Variants in CASK observed in about 807,000 individuals in gnomAD.
CASK encodes the protein calcium/calmodulin dependent serine protein kinase.
Under a neutral mutation model 82.9 loss-of-function variants are expected in CASK, and 4 were observed. The ratio of observed to expected loss-of-function variants is 0.05; its 90% CI spans 0.02 to 0.11. The LOEUF is 0.11. Ranked by LOEUF, CASK falls within the 10% of genes least tolerant of loss-of-function variation. CASK has a pLI of 1.00. For synonymous variants in CASK, 259 were observed against 253.5 expected, an observed-to-expected ratio of 1.02 and a Z score of -0.20; for missense variants, 358 against 720.9, an observed-to-expected ratio of 0.50 and a Z score of 5.76.
At chrX:41,640,350 C>A (rs763619623) in intron 8 of CASK, among the ~76,000 whole-genome samples, 1 of 110,250 alleles carries the variant, frequency 9.1e-6, no homozygotes, top group Admixed American at 9.7e-5. Context: ...ACTACAGGCG[C>A]CTGCCACCAC....
At chrX:41,654,270 A>C (rs770556610) in intron 8 of CASK, among the ~76,000 whole-genome samples, 2 of 111,924 alleles carry the variant, frequency 1.8e-5, no homozygotes, top group South Asian at 7.5e-4. Context: ...TTAATAAATA[A>C]GGTGAATGAA....
At chrX:41,758,435 CAAAAAA>C (rs746659684) in intron 3 of CASK, among the ~76,000 whole-genome samples, 1 of 43,510 alleles carries the variant, frequency 2.3e-5, no homozygotes, top group African/African-American at 9.9e-5. Context: ...GACTTCATCT[CAAAAAA>C]AAAAAAAAAA....
chrX:41,537,929 C>T (rs926796727), intron 22 of CASK, among the ~76,000 whole-genome samples: 8 of 108,572 alleles, frequency 7.4e-5, no homozygotes, highest in South Asian at 4.0e-4. Flanking sequence ...GCAGCCTCCG[C>T]GGACCTCCCG....
Position 41,531,115 on chromosome X carries a change from C to T in CASK, c.2412G>A (p.Glu804=). Residue 804 remains glutamate (E), a synonymous_variant, in exon 25 of 27, where the codon GAG becomes GAA. Coordinates refer to ENST00000378163, the MANE Select transcript of CASK (RefSeq NM_001367721.1). The part of the protein sequence containing the change: ...DQMMQDISNN[E]YLEYGSHEDA... ...CCTCGTGGCTGCCGTACTCCAAGTA[C>T]TCGTTATTAGAGATGTCTTGCATCA... 2 of 1,207,625 alleles carry T rather than the reference C, an allele frequency of 1.7e-6. No homozygotes were observed. Among genetic ancestry groups the T allele is most frequent in the Non-Finnish European group, 2.2e-6 (2 of 891,627 alleles).
intron 5 of CASK, chrX:41,727,545 C>T: frequency 8.3e-7 from 1 of 1,207,280 alleles, no homozygotes. Context: ...TTACCGTATA[C>T]TACTCAGTCA....
intron 5 of CASK, among the ~76,000 whole-genome samples, chrX:41,710,062 G>GT (rs1306247497): frequency 2.0e-5 from 2 of 97,879 alleles, no homozygotes; most frequent in Non-Finnish European, 4.1e-5. Flanking sequence ...CCAAGTCACT[G>GT]TTTCCCAGGG....
chrX:41,745,296 G>T (rs761885864), intron 4 of CASK, among the ~76,000 whole-genome samples: 1 of 111,781 alleles, frequency 8.9e-6, no homozygotes, highest in Non-Finnish European at 1.9e-5. Flanking sequence ...GATTACAGGC[G>T]TGAGCCACCG....
rs181326622 is a variant in CASK, at chrX:41,778,081, C to T, written c.278+9097G>A. The stretch of plus-strand genomic sequence containing the variant: ...TATTTAATGGTATAGCAAAATGCTT[C>T]CAATAGAAGGAAATGGTCCAAAATG... On this transcript the variant is annotated intron_variant, in intron 3 of 26. Coordinates refer to ENST00000378163, the MANE Select transcript of CASK (RefSeq NM_001367721.1). Among the ~76,000 whole-genome samples, 484 of 111,400 alleles carry T rather than the reference C, an allele frequency of 4.3e-3. 4 individuals are homozygous for T. Among genetic ancestry groups the T allele is most frequent in the African/African-American group, 0.015 (471 of 30,672 alleles).
intron 5 of CASK, among the ~76,000 whole-genome samples, chrX:41,691,534 C>G (rs1258463566): frequency 9.0e-6 from 1 of 110,855 alleles, no homozygotes; most frequent in South Asian, 3.8e-4. Context: ...AAAGTCAGAT[C>G]TGAGTCCTAA....
At chrX:41,802,563 C>T (rs1310734119) in intron 2 of CASK, among the ~76,000 whole-genome samples, 2 of 112,051 alleles carry the variant, frequency 1.8e-5, no homozygotes, top group Non-Finnish European at 3.8e-5. Context: ...TCTAAGCAAT[C>T]AGTATAACGA....
intron 2 of CASK, among the ~76,000 whole-genome samples, chrX:41,828,037 A>G (rs139099550): frequency 7.3e-4 from 81 of 111,648 alleles, no homozygotes; most frequent in African/African-American, 2.5e-3. Context: ...TGCTTCACAG[A>G]TATCATCACC....
At chrX:41,544,724 AAAAC>A (rs2064998024) in intron 21 of CASK, among the ~76,000 whole-genome samples, 1 of 101,902 alleles carries the variant, frequency 9.8e-6, no homozygotes, top group East Asian at 2.9e-4. Flanking sequence ...CAAAAAACAA[AAAAC>A]AAACAAAAAA....
At chrX:41,795,436 C>A (rs1049305087) in intron 2 of CASK, among the ~76,000 whole-genome samples, 3 of 111,528 alleles carry the variant, frequency 2.7e-5, no homozygotes, top group Non-Finnish European at 5.6e-5. Flanking sequence ...GAGGCTGAGG[C>A]AGGTGGATCG....
At chrX:41,745,142 C>T (rs1460447710) in intron 4 of CASK, among the ~76,000 whole-genome samples, 2 of 111,780 alleles carry the variant, frequency 1.8e-5, no homozygotes, top group African/African-American at 3.3e-5. Context: ...GTCAGCCTTC[C>T]GAGTAGCTGG....
intron 5 of CASK, among the ~76,000 whole-genome samples, chrX:41,711,485 A>G (rs2067976594): frequency 9.0e-6 from 1 of 111,497 alleles, no homozygotes; most frequent in Admixed American, 9.5e-5. Flanking sequence ...TGACAGCAGC[A>G]GGAGGCAGAC....
At chrX:41,649,447 A>G (rs192548825) in intron 8 of CASK, among the ~76,000 whole-genome samples, 29 of 111,773 alleles carry the variant, frequency 2.6e-4, no homozygotes, top group African/African-American at 8.8e-4. Context: ...AGATTCTAGT[A>G]TGTTGTGTCT....
At position 41,674,274 on chromosome X, in the gene CASK, C is replaced by T. The variant is rs745844232; in HGVS notation, c.430-2744G>A. ...ACTGAGTGGAGCCAGAAAGGTCATGCGGCCTTTTTCCAAGTACATGGCCAC... is the reference window on the plus strand; with the variant it reads ...ACTGAGTGGAGCCAGAAAGGTCATGTGGCCTTTTTCCAAGTACATGGCCAC... On this transcript the variant is annotated intron_variant, in intron 5 of 26. Coordinates refer to ENST00000378163, the MANE Select transcript of CASK (RefSeq NM_001367721.1). Among the ~76,000 whole-genome samples the T allele has an allele frequency of 1.8e-3, 204 of 110,815 alleles. 1 individual carries two copies. The highest frequency in any genetic ancestry group is 9.2e-3 in the Middle Eastern group (2 of 217).
At chrX:41,727,413 G>T (rs1228271193) in intron 5 of CASK, 4 of 1,209,589 alleles carry the variant, frequency 3.3e-6, no homozygotes, top group Non-Finnish European at 4.5e-6. Context: ...CCTCGCAAGA[G>T]ACTACTTCAT....
In CASK at chrX:41,861,626, A is replaced by G. The variant is rs2071477916; in HGVS notation, c.60-8399T>C. On this transcript the variant is annotated intron_variant, in intron 1 of 26. Coordinates refer to ENST00000378163, the MANE Select transcript of CASK (RefSeq NM_001367721.1). The stretch of plus-strand genomic sequence containing the variant: ...CCAATGAAAATAAGACAAAGAATAT[A>G]AAGAATAAACAAGAAAAAGATTAAT... 8.4e-5 allele frequency among the ~76,000 whole-genome samples: 9 copies of G among 107,217 alleles called. 1 individual carries two copies. Among genetic ancestry groups the G allele is most frequent in the Admixed American group, 8.3e-4 (8 of 9,610 alleles). The allele number at this position is 107,217 out of a possible 115,157, so 93.1% of individuals were successfully genotyped here.
Sources: gnomAD v4.1 joint callset for allele counts (sites outside exome capture counted in the v4.1 genomes callset) on GRCh38, gnomAD v4.1.1 for gene constraint, MANE v1.5 for transcripts, NCBI Gene and HGNC (gene_info 2026-07-23, HGNC 2026-07-21) for gene names.